SMARCC2: variants seen among roughly 807,000 people sequenced by gnomAD.
The protein encoded by SMARCC2 is SWI/SNF related BAF chromatin remodeling complex subunit C2.
In SMARCC2, 15 loss-of-function variants were observed where a neutral mutation model predicts 151.3. The ratio of observed to expected loss-of-function variants is 0.10; its 90% CI spans 0.07 to 0.15. The LOEUF (loss-of-function observed/expected upper bound fraction) is 0.15, where lower values mean the gene tolerates loss of function less well. Ranked by LOEUF, SMARCC2 falls within the 10% of genes least tolerant of loss-of-function variation. SMARCC2 has a pLI of 1.00. For synonymous variants in SMARCC2, 590 were observed against 609.5 expected (o/e 0.97, Z 0.47); for missense variants, 1,031 against 1,599.7 (o/e 0.64, Z 6.06).
In SMARCC2 at chr12:56,165,574, T is replaced by C; in HGVS notation, c.2976A>G (p.Pro992=). 1 of 1,613,552 alleles carries C rather than the reference T, an allele frequency of 6.2e-7. No individual in the cohort carries two copies. The change falls in exon 27 of 29, where the codon CCA becomes CCG. Residue 992 remains proline (P), a synonymous_variant. Transcript: ENST00000550164. ...GGGAGCCTGGGGGCAGGGCTGGTGG[T>C]GGCTGCTGCTGCTGTTGGTGCATCT... ...FQQMHQQQQQ[P]PPALPPGSQP... is the part of the protein sequence containing the mutation.
chr12:56,178,372 A>G (rs763329227), intron 14 of SMARCC2, 32 bp downstream of exon 14: 1 of 1,613,352 alleles, frequency 6.2e-7, no homozygotes, highest in Non-Finnish European at 8.5e-7. Flanking sequence ...CAGGGAAATA[A>G]GGACTCAGTG....
chr12:56,184,119 C>G, intron 6 of SMARCC2, 56 bp downstream of exon 6: 1 of 1,343,016 alleles, frequency 7.4e-7, no homozygotes, highest in Non-Finnish European at 1.1e-6. Flanking sequence ...GATCTTAGTC[C>G]TCTGCCTCCT....
chr12:56,185,510 G>A (rs913025680), intron 3 of SMARCC2: 76 of 216,874 alleles, frequency 3.5e-4, no homozygotes, highest in African/African-American at 1.7e-3. Context: ...AGGGAGTCCC[G>A]CTCTGTTGCC....
At position 56,171,446 on chromosome 12, in the gene SMARCC2, A is replaced by G. The variant is rs199836063; in HGVS notation, c.2186-14T>C. Reference sequence around the variant, plus strand: ...TGGAGAACTCCTCTGCAAGACCCAGAAAGAATGAGGCTGGGAGCGGCACAG... The same window carrying G: ...TGGAGAACTCCTCTGCAAGACCCAGGAAGAATGAGGCTGGGAGCGGCACAG... On this transcript the variant is annotated splice_polypyrimidine_tract_variant and intron_variant, in intron 21 of 28. Transcript: ENST00000550164. The surrounding 1 kb of genome is among the most constrained non-coding windows in gnomAD (Gnocchi z 4.2). The G allele has an allele frequency of 2.3e-5, 37 of 1,614,170 alleles. No homozygotes were observed. In the Admixed American group the frequency reaches 6.0e-4, roughly 26 times the overall value.
At chr12:56,185,197 G>T in intron 3 of SMARCC2, 86 bp from the exon 4 acceptor site, 1 of 1,062,088 alleles carries the variant, frequency 9.4e-7, no homozygotes, top group Non-Finnish European at 1.5e-6. Context: ...TTTGTTTTTT[G>T]AGATGGAGTC....
chr12:56,178,913 C>T, intron 12 of SMARCC2, 66 bp from the exon 13 acceptor site: 1 of 1,603,604 alleles, frequency 6.2e-7, no homozygotes. Context: ...CTACCAAAAG[C>T]CCATCAGGCT....
chr12:56,171,987 G>A lies in SMARCC2; in HGVS notation c.1927-50C>T, dbSNP rs766384792. ...CTCCGCTTACTTAGCCACTTTTCTC[G>A]AAGGCTGACTCCCCCCATCCTACTA... On this transcript the variant is annotated intron_variant, in intron 20 of 28. Transcript: ENST00000550164. The surrounding 1 kb of genome is among the most constrained non-coding windows in gnomAD (Gnocchi z 4.2). 1.8e-5 allele frequency: 28 copies of A among 1,533,586 alleles called. No individual in the cohort carries two copies. The highest frequency in any genetic ancestry group is 2.5e-5 in the Non-Finnish European group (28 of 1,134,312). The allele number at this position is 1,533,586 out of a possible 1,614,324, so 95.0% of individuals were successfully genotyped here.
chr12:56,184,836 C>T lies in SMARCC2; in HGVS notation c.492+8G>A, dbSNP rs771816802. The T allele has an allele frequency of 6.5e-7, 1 of 1,541,508 alleles. No individual in the cohort carries two copies. The highest frequency in any genetic ancestry group is 1.1e-5 in the South Asian group (1 of 89,570). ...GTTTCTGAAACCTCTCCTCACCAGA[C>T]CATTTACCTGGTGTCTCTTGATAAT... is the stretch of plus-strand genomic sequence containing the variant. On this transcript the variant is annotated splice_region_variant and intron_variant, in intron 5 of 28. Transcript: ENST00000550164.
intron 1 of SMARCC2, among the ~76,000 whole-genome samples, chr12:56,189,003 T>C (rs890512532): frequency 8.5e-5 from 13 of 152,116 alleles, no homozygotes; most frequent in East Asian, 7.7e-4. Context: ...GGGGAGCCCA[T>C]TGGGCACCCG....
At chr12:56,175,249 G>T (rs941698038) in intron 15 of SMARCC2, among the ~76,000 whole-genome samples, 1 of 152,150 alleles carries the variant, frequency 6.6e-6, no homozygotes, top group Non-Finnish European at 1.5e-5. Flanking sequence ...GACCTCAGGT[G>T]AGCCTCCTGC....
Position 56,172,910 on chromosome 12 carries a change from G to T in SMARCC2, c.1743+27C>A, listed in dbSNP as rs189459382. 2.5e-5 allele frequency: 40 copies of T among 1,608,072 alleles called. No individual in the cohort carries two copies. The East Asian group carries it at 8.0e-4, about 32-fold the overall frequency. On this transcript the variant is annotated intron_variant, in intron 18 of 28. Coordinates refer to ENST00000550164, the MANE Select transcript of SMARCC2 (RefSeq NM_001330288.2). ...CCCCCAATAAAGGGGAAAATGAGCAGCCCAGCAGGGTCTGCACCCCACCTA... is the reference window on the plus strand; with the variant it reads ...CCCCCAATAAAGGGGAAAATGAGCATCCCAGCAGGGTCTGCACCCCACCTA...
intron 1 of SMARCC2, 77 bp from the exon 2 acceptor site, chr12:56,187,383 G>C: frequency 7.1e-7 from 1 of 1,413,068 alleles, no homozygotes; most frequent in South Asian, 1.2e-5. Context: ...TCTCCCCCAG[G>C]GGCTCTGGAA....
chr12:56,187,427 C>A, intron 1 of SMARCC2, 121 bp from the exon 2 acceptor site: 1 of 917,296 alleles, frequency 1.1e-6, no homozygotes, highest in East Asian at 2.6e-5. Context: ...GCCCTTCTCC[C>A]CATTTAGTCT....
At chr12:56,177,130 G>C (rs530507707) in intron 15 of SMARCC2, among the ~76,000 whole-genome samples, 25 of 152,040 alleles carry the variant, frequency 1.6e-4, no homozygotes, top group Admixed American at 1.6e-3. Flanking sequence ...CTTTTTAGTA[G>C]AGATGGGGTT....
At position 56,171,061 on chromosome 12, in the gene SMARCC2, C is replaced by CAAGGA. The variant is rs1873856751; in HGVS notation, c.2347+209_2347+210insTCCTT. Among the ~76,000 whole-genome samples the CAAGGA allele has an allele frequency of 1.3e-5, 2 of 152,178 alleles. No homozygotes were observed. The highest frequency in any genetic ancestry group is 4.8e-5 in the African/African-American group (2 of 41,446). On this transcript the variant is annotated intron_variant, in intron 22 of 28. Transcript: ENST00000550164. The surrounding 1 kb of genome is among the most constrained non-coding windows in gnomAD (Gnocchi z 4.2). ...AAGACTTTTCTAACAGCCCCTTCTA[C>CAAGGA]AAGCAAAGATTTTTCTACCCAAAAT...
intron 15 of SMARCC2, among the ~76,000 whole-genome samples, chr12:56,175,922 G>C (rs1320997594): frequency 6.6e-6 from 1 of 151,824 alleles, no homozygotes; most frequent in African/African-American, 2.4e-5. Flanking sequence ...ACAATGATGA[G>C]ATCTTGGCTC....
chr12:56,175,963 A>G (rs1481569497), intron 15 of SMARCC2, among the ~76,000 whole-genome samples: 6 of 151,820 alleles, frequency 4.0e-5, no homozygotes, highest in Non-Finnish European at 5.9e-5. Context: ...GGCTCAAGTG[A>G]TTCTCCTGCC....
At chr12:56,187,471 C>T (rs1877480221) in intron 1 of SMARCC2, among the ~76,000 whole-genome samples, 165 bp from the exon 2 acceptor site, 1 of 152,200 alleles carries the variant, frequency 6.6e-6, no homozygotes, top group Admixed American at 6.5e-5. Flanking sequence ...AGGCCCTGGA[C>T]ACCCCAACCA....
intron 13 of SMARCC2, 106 bp from the exon 14 acceptor site, chr12:56,178,640 G>T: frequency 6.5e-7 from 1 of 1,540,576 alleles, no homozygotes. Flanking sequence ...TGGGTGATGG[G>T]ACTGAGCAGT....
Sources: allele counts gnomAD v4.1 joint callset (sites outside exome capture counted in the v4.1 genomes callset), GRCh38; gene constraint gnomAD v4.1.1; non-coding constraint Gnocchi (gnomAD v3.1); transcripts MANE v1.5; gene names NCBI Gene and HGNC (gene_info 2026-07-23, HGNC 2026-07-21).